Variants in PTGFR observed in about 807,000 individuals in gnomAD.
PTGFR encodes prostaglandin F receptor, also known as prostaglandin F2-alpha receptor.
PTGFR carries 15 observed loss-of-function variants against 26.2 expected under a neutral mutation model. That is an observed-to-expected ratio of 0.57 (90% CI 0.38 to 0.88). The LOEUF (loss-of-function observed/expected upper bound fraction) is 0.88, where lower values mean the gene tolerates loss of function less well. Among genes scored for constraint, PTGFR ranks in the 40% least tolerant of loss-of-function variants. The pLI is 0.00. For missense variants in PTGFR, 369 were observed against 427.2 expected, an observed-to-expected ratio of 0.86 and a Z score of 1.20; for synonymous variants, 165 against 151.1, an observed-to-expected ratio of 1.09 and a Z score of -0.68.
chr1:78,511,338 G>T (rs1376692055), intron 2 of PTGFR, among the ~76,000 whole-genome samples: 1 of 152,228 alleles, frequency 6.6e-6, no homozygotes, highest in African/African-American at 2.4e-5. Flanking sequence ...CCAGGGGGAA[G>T]TCACCAAACC....
chr1:78,493,038 A>G lies in PTGFR; in HGVS notation c.295A>G (p.Ile99Val). Residue 99 changes from isoleucine to valine, a missense_variant, in exon 2 of 3, where the codon ATC becomes GTC. Transcript: ENST00000370757. ...TGTATATGCTTCTGATAAAGAATGG[A>G]TCCGCTTTGACCAATCAAATGTCCT... ...VFVYASDKEW[I>V]RFDQSNVLCS... The G allele has an allele frequency of 6.2e-7, 1 of 1,614,248 alleles. No homozygotes were observed. The highest frequency in any genetic ancestry group is 2.2e-5 in the East Asian group (1 of 44,886).
chr1:78,534,017 G>A (rs1557660040), intron 2 of PTGFR, among the ~76,000 whole-genome samples: 2 of 152,198 alleles, frequency 1.3e-5, no homozygotes, highest in Non-Finnish European at 2.9e-5. Context: ...GTTATCAGGT[G>A]AATTAATTTT....
intron 2 of PTGFR, among the ~76,000 whole-genome samples, chr1:78,514,602 C>A (rs1043820242): frequency 2.0e-5 from 3 of 151,600 alleles, no homozygotes; most frequent in African/African-American, 7.3e-5. Flanking sequence ...AGGACTATTG[C>A]GAAGGCTTGA....
At chr1:78,505,486 A>G (rs373836580) in intron 2 of PTGFR, among the ~76,000 whole-genome samples, 13 of 152,296 alleles carry the variant, frequency 8.5e-5, no homozygotes, top group Admixed American at 2.0e-4. Context: ...TTTTACATAT[A>G]CAAGTATATA....
chr1:78,494,921 T>C (rs2100347751), intron 2 of PTGFR, among the ~76,000 whole-genome samples: 1 of 152,344 alleles, frequency 6.6e-6, no homozygotes, highest in South Asian at 2.1e-4. Flanking sequence ...GCAGTTCTAA[T>C]TAACGATCCA....
In PTGFR at chr1:78,536,917, G is replaced by A. The variant is rs887945124; in HGVS notation, c.*230G>A. 1 of 498,420 alleles carries A rather than the reference G, an allele frequency of 2.0e-6. No homozygotes were observed. Among genetic ancestry groups the A allele is most frequent in the Non-Finnish European group, 3.5e-6 (1 of 287,772 alleles). 30.9% of individuals were successfully genotyped at this position (498,420 alleles called of 1,614,324 possible). ...GGTAGACACAATAAAATAATGCCAT[G>A]GGAGTCACACTGAAAGCAATTTTGA... On this transcript the variant is annotated 3_prime_UTR_variant, in exon 3 of 3. Coordinates refer to ENST00000370757, the MANE Select transcript of PTGFR (RefSeq NM_000959.4).
chr1:78,499,806 G>A (rs570970760), intron 2 of PTGFR, among the ~76,000 whole-genome samples: 4 of 152,296 alleles, frequency 2.6e-5, no homozygotes, highest in Admixed American at 1.3e-4. Flanking sequence ...ATATTACAAT[G>A]ATTTGTTTAT....
intron 1 of PTGFR, among the ~76,000 whole-genome samples, chr1:78,491,669 C>CG (rs1296144424): frequency 2.0e-5 from 3 of 152,066 alleles, no homozygotes; most frequent in South Asian, 2.1e-4. Flanking sequence ...GGCCGAAGGG[C>CG]GGGGGGGATA....
rs774358274 is a variant in PTGFR, at chr1:78,536,863, A to G, written c.*176A>G. ...TTTGTCAAATAAACAGGATAACTGT[A>G]CATTTTTCACTTGTTTTTGCCAATG... On this transcript the variant is annotated 3_prime_UTR_variant, in exon 3 of 3. Coordinates refer to ENST00000370757, the MANE Select transcript of PTGFR (RefSeq NM_000959.4). 1 of 726,268 alleles carries G rather than the reference A, an allele frequency of 1.4e-6. No individual in the cohort carries two copies. The highest frequency in any genetic ancestry group is 2.1e-6 in the Non-Finnish European group (1 of 473,314). The allele number at this position is 726,268 out of a possible 1,614,324, so 45.0% of individuals were successfully genotyped here. A position where few individuals can be genotyped will look rare whatever the true frequency, so the allele number is the denominator to read the frequency against.
intron 2 of PTGFR, among the ~76,000 whole-genome samples, chr1:78,521,349 G>C (rs1164453356): frequency 1.3e-5 from 2 of 152,030 alleles, no homozygotes; most frequent in Non-Finnish European, 2.9e-5. Context: ...TTGTTCATCT[G>C]GTACATACGT....
chr1:78,518,606 ACAC>A (rs1650151054), intron 2 of PTGFR, among the ~76,000 whole-genome samples: 1 of 149,124 alleles, frequency 6.7e-6, no homozygotes, highest in Admixed American at 6.7e-5. Flanking sequence ...ACACACACAC[ACAC>A]ACACACACAC....
At chr1:78,502,138 C>G (rs1265264773) in intron 2 of PTGFR, among the ~76,000 whole-genome samples, 1 of 152,160 alleles carries the variant, frequency 6.6e-6, no homozygotes, top group East Asian at 1.9e-4. Context: ...ACTATCTCAT[C>G]AGAAGTAAAG....
chr1:78,507,660 G>T (rs559267395), intron 2 of PTGFR, among the ~76,000 whole-genome samples: 77 of 152,292 alleles, frequency 5.1e-4, no homozygotes, highest in African/African-American at 1.8e-3. Flanking sequence ...ACTAAAAACA[G>T]TTGAAAAGTT....
At chr1:78,520,527 C>T (rs1650197830) in intron 2 of PTGFR, among the ~76,000 whole-genome samples, 3 of 152,068 alleles carry the variant, frequency 2.0e-5, no homozygotes, top group Admixed American at 2.0e-4. Flanking sequence ...AAAGAAATTT[C>T]CGGAGCTTTT....
chr1:78,518,567 G>GACACACAC (rs57447321), intron 2 of PTGFR, among the ~76,000 whole-genome samples: 65 of 137,962 alleles, frequency 4.7e-4, no homozygotes, highest in African/African-American at 1.7e-3. Context: ...CAGTATAAAA[G>GACACACAC]ACACACACAC....
At chr1:78,532,902 T>A (rs13374108) in intron 2 of PTGFR, among the ~76,000 whole-genome samples, 11,147 of 152,152 alleles carry the variant, frequency 0.073, 480 homozygotes, top group South Asian at 0.18. Context: ...AAGTAAGAGG[T>A]TATTTCTTGT....
chr1:78,523,611 G>A (rs902120538), intron 2 of PTGFR, among the ~76,000 whole-genome samples: 5 of 152,112 alleles, frequency 3.3e-5, no homozygotes, highest in Admixed American at 6.6e-5. Context: ...GGATCTACAC[G>A]TAGCTCTCAG....
intron 2 of PTGFR, among the ~76,000 whole-genome samples, chr1:78,535,498 C>T (rs535026402): frequency 1.3e-5 from 2 of 152,210 alleles, no homozygotes; most frequent in East Asian, 1.9e-4. Context: ...GTCTTTGTTA[C>T]GTCATCTTTT....
intron 2 of PTGFR, among the ~76,000 whole-genome samples, chr1:78,523,324 A>T (rs1321567005): frequency 6.6e-6 from 1 of 152,124 alleles, no homozygotes; most frequent in Non-Finnish European, 1.5e-5. Context: ...TAATTTGCAC[A>T]TTTCCTTCCT....
Sources: allele counts gnomAD v4.1 joint callset (sites outside exome capture counted in the v4.1 genomes callset), GRCh38; gene constraint gnomAD v4.1.1; transcripts MANE v1.5; gene names NCBI Gene and HGNC (gene_info 2026-07-23, HGNC 2026-07-21).